The following CLUAP1 variants were observed in gnomAD, a reference collection of about 807,000 sequenced individuals.
The protein encoded by CLUAP1 is intraflagellar transport 38, also known as clusterin-associated protein 1.
Under a neutral mutation model 55.0 loss-of-function variants are expected in CLUAP1, and 50 were observed. The ratio of observed to expected loss-of-function variants is 0.91; its 90% CI spans 0.72 to 1.15. The LOEUF (loss-of-function observed/expected upper bound fraction) is 1.15. Ranked by LOEUF, CLUAP1 falls within the 50% of genes most tolerant of loss-of-function variation. CLUAP1 has a pLI of 0.00. For missense variants in CLUAP1, 530 were observed against 507.6 expected (o/e 1.04, Z -0.42); for synonymous variants, 195 against 175.4 (o/e 1.11, Z -0.88).
chr16:3,530,398 T>A (rs1411798831), intron 9 of CLUAP1, 170 bp from the exon 10 acceptor site: 2 of 600,100 alleles, frequency 3.3e-6, no homozygotes, highest in Non-Finnish European at 5.9e-6. Flanking sequence ...ATTTTAAAAT[T>A]GATTATATAA....
intron 4 of CLUAP1, among the ~76,000 whole-genome samples, chr16:3,509,165 TG>T (rs1336583570): frequency 3.3e-5 from 5 of 151,724 alleles, no homozygotes; most frequent in Non-Finnish European, 7.4e-5. Context: ...GAGGCTGAGG[TG>T]GGAAGATCTC....
chr16:3,499,136 G>A (rs1298908626), upstream of CLUAP1, among the ~76,000 whole-genome samples: 1 of 152,260 alleles, frequency 6.6e-6, no homozygotes, highest in Non-Finnish European at 1.5e-5. Context: ...GGAAATGCAG[G>A]CCGCGTGCGG....
At chr16:3,530,139 C>T (rs1430462469) in intron 9 of CLUAP1, among the ~76,000 whole-genome samples, 1 of 151,444 alleles carries the variant, frequency 6.6e-6, no homozygotes, top group South Asian at 2.1e-4. Flanking sequence ...CTCACAGCCT[C>T]AAGCCCTTTT....
upstream of CLUAP1, among the ~76,000 whole-genome samples, chr16:3,499,205 C>T (rs1204863112): frequency 6.6e-6 from 1 of 152,192 alleles, no homozygotes; most frequent in East Asian, 1.9e-4. Context: ...ATTAGCTGGG[C>T]GCGGTGGCGC....
At chr16:3,509,543 ACAGGTGCCGT>A in intron 4 of CLUAP1, among the ~76,000 whole-genome samples, 1 of 152,164 alleles carries the variant, frequency 6.6e-6, no homozygotes, top group Non-Finnish European at 1.5e-5. Flanking sequence ...TGCTGGTGGG[ACAGGTGCCGT>A]CAGGTGTCAG....
Position 3,503,443 on chromosome 16 carries a change from G to T in CLUAP1, c.23-1277G>T, listed in dbSNP as rs536418340. Among the ~76,000 whole-genome samples, 18 of 152,332 alleles carry T rather than the reference G, an allele frequency of 1.2e-4. No individual in the cohort carries two copies. The South Asian group carries it at 3.5e-3, about 30-fold the overall frequency. ...CTCCCAGAGTGCTGGGATTACAGGC[G>T]TGAGCCACTGTGCCCGGCAACTTTT... On this transcript the variant is annotated intron_variant, in intron 1 of 11. Coordinates refer to ENST00000576634, the MANE Select transcript of CLUAP1 (RefSeq NM_015041.3).
At chr16:3,517,191 C>T (rs142790462) in intron 6 of CLUAP1, among the ~76,000 whole-genome samples, 1 of 151,692 alleles carries the variant, frequency 6.6e-6, no homozygotes, top group African/African-American at 2.4e-5. Context: ...GTGGCACAAC[C>T]TCGGCTCATT....
At chr16:3,529,589 ATAT>A (rs1166086476) in intron 9 of CLUAP1, among the ~76,000 whole-genome samples, 47 of 43,566 alleles carry the variant, frequency 1.1e-3, no homozygotes, top group Admixed American at 1.7e-3. Flanking sequence ...ATAATATTAT[ATAT>A]TATTATATAT....
intron 9 of CLUAP1, among the ~76,000 whole-genome samples, chr16:3,526,877 A>G (rs963022760): frequency 6.6e-6 from 1 of 152,110 alleles, no homozygotes; most frequent in Non-Finnish European, 1.5e-5. Flanking sequence ...ATGGCCCTAG[A>G]TGTGTGTAGG....
At chr16:3,505,301 C>T (rs1299986996) in intron 2 of CLUAP1, among the ~76,000 whole-genome samples, 28 of 152,072 alleles carry the variant, frequency 1.8e-4, no homozygotes, top group Non-Finnish European at 1.5e-4. Context: ...GAGGCCGAGG[C>T]GGGTGGATCA....
intron 10 of CLUAP1, among the ~76,000 whole-genome samples, chr16:3,531,021 T>G (rs1243325165): frequency 6.6e-6 from 1 of 152,186 alleles, no homozygotes; most frequent in Non-Finnish European, 1.5e-5. Flanking sequence ...CATCTCTGCC[T>G]TAAAAAAAGT....
At chr16:3,508,178 G>A in intron 3 of CLUAP1, 111 bp from the exon 4 acceptor site, 2 of 870,016 alleles carry the variant, frequency 2.3e-6, no homozygotes, top group South Asian at 3.3e-5. Flanking sequence ...GCTTTTATTA[G>A]GTTATATCCC....
chr16:3,518,199 T>A (rs1376254941), intron 6 of CLUAP1, among the ~76,000 whole-genome samples: 1 of 152,240 alleles, frequency 6.6e-6, no homozygotes, highest in Non-Finnish European at 1.5e-5. Context: ...AATTTTTGAT[T>A]GTTTCTAAAT....
At chr16:3,524,315 AAAAG>A (rs2037896818) in intron 8 of CLUAP1, among the ~76,000 whole-genome samples, 1 of 150,208 alleles carries the variant, frequency 6.7e-6, no homozygotes, top group Non-Finnish European at 1.5e-5. Flanking sequence ...AAGAAAAAAA[AAAAG>A]GGCCGGGCGC....
intron 8 of CLUAP1, among the ~76,000 whole-genome samples, chr16:3,523,764 A>C (rs1325528494): frequency 6.6e-6 from 1 of 152,226 alleles, no homozygotes. Flanking sequence ...CAGGAGTTTG[A>C]GACCAGCCTG....
Position 3,501,057 on chromosome 16 carries a change from A to C in CLUAP1, c.-11A>C, listed in dbSNP as rs777495289. ...CAGTTGCGACCCTGGGCTCCTGGGGACCTGAGCGTTATGTCTTTCCGCGAC... is the reference window on the plus strand; with the variant it reads ...CAGTTGCGACCCTGGGCTCCTGGGGCCCTGAGCGTTATGTCTTTCCGCGAC... On this transcript the variant is annotated 5_prime_UTR_variant, in exon 1 of 12. Coordinates refer to ENST00000576634, the MANE Select transcript of CLUAP1 (RefSeq NM_015041.3). 6.3e-7 allele frequency: 1 copy of C among 1,599,572 alleles called. No individual in the cohort carries two copies. Among genetic ancestry groups the C allele is most frequent in the East Asian group, 2.2e-5 (1 of 44,528 alleles).
In CLUAP1 at chr16:3,538,810, C is replaced by T. The variant is rs984112408; in HGVS notation, c.*2539C>T. 3 of 152,110 alleles carry T rather than the reference C, an allele frequency of 2.0e-5. No homozygotes were observed. Among genetic ancestry groups the T allele is most frequent in the East Asian group, 1.9e-4 (1 of 5,202 alleles). 9.4% of individuals were successfully genotyped at this position (152,110 alleles called of 1,614,324 possible). A position where few individuals can be genotyped will look rare whatever the true frequency, so the allele number is the denominator to read the frequency against. On this transcript the variant is annotated 3_prime_UTR_variant, in exon 12 of 12. Coordinates refer to ENST00000576634, the MANE Select transcript of CLUAP1 (RefSeq NM_015041.3). ...TAAAGTATTTCAGTCAATAGTGACC[C>T]ATTGTAGAATGGATGCAGGATTCAC... is the stretch of plus-strand genomic sequence containing the variant.
At chr16:3,525,038 G>T (rs2037914657) in intron 8 of CLUAP1, among the ~76,000 whole-genome samples, 1 of 152,140 alleles carries the variant, frequency 6.6e-6, no homozygotes, top group South Asian at 2.1e-4. Context: ...GAGCTATTTT[G>T]TTGTCCAGGA....
Position 3,519,942 on chromosome 16 carries a change from G to A in CLUAP1, c.619G>A (p.Ala207Thr). The change falls in exon 7 of 12, where the codon GCC becomes ACC. Residue 207 changes from alanine (A) to threonine (T), a missense_variant. Transcript: ENST00000576634. ...GACTAAAGACCTGCTCAATAATGTG[G>A]CCTCTGATGAAGCTAATTTAGAAGC... ...QKTKDLLNNV[A>T]SDEANLEAKI... 1 of 1,613,210 alleles carries A rather than the reference G, an allele frequency of 6.2e-7. No individual in the cohort carries two copies. Among genetic ancestry groups the A allele is most frequent in the African/African-American group, 1.3e-5 (1 of 74,914 alleles).
Sources: gnomAD v4.1 joint callset for allele counts (sites outside exome capture counted in the v4.1 genomes callset) on GRCh38, gnomAD v4.1.1 for gene constraint, MANE v1.5 for transcripts, NCBI Gene and HGNC (gene_info 2026-07-23, HGNC 2026-07-21) for gene names.